Variants in CTNNA2 observed in about 807,000 individuals in gnomAD.
The protein encoded by CTNNA2 is catenin alpha-2.
Under a neutral mutation model 101.0 loss-of-function variants are expected in CTNNA2, and 42 were observed. The observed-to-expected ratio is 0.42, with a 90% CI of 0.32 to 0.54. The LOEUF (loss-of-function observed/expected upper bound fraction) is 0.54, where lower values mean the gene tolerates loss of function less well. Ranked by LOEUF, CTNNA2 falls within the 20% of genes least tolerant of loss-of-function variation. CTNNA2 has a pLI of 0.14. For synonymous variants in CTNNA2, 450 were observed against 456.4 expected (o/e 0.99, Z 0.18); for missense variants, 871 against 1,223.1 (o/e 0.71, Z 4.29).
At chr2:80,593,713 A>G (rs1317389326) in intron 15 of CTNNA2, among the ~76,000 whole-genome samples, 1 of 152,182 alleles carries the variant, frequency 6.6e-6, no homozygotes, top group Non-Finnish European at 1.5e-5. Context: ...ACATCAGTTG[A>G]GTCACACAAT....
At chr2:80,548,947 A>G (rs982344610) in intron 11 of CTNNA2, among the ~76,000 whole-genome samples, 1 of 152,236 alleles carries the variant, frequency 6.6e-6, no homozygotes, top group African/African-American at 2.4e-5. Context: ...CTCTATTTAA[A>G]AAACAATAAA....
At chr2:80,164,714 G>A (rs997442072) in intron 7 of CTNNA2, among the ~76,000 whole-genome samples, 15 of 147,210 alleles carry the variant, frequency 1.0e-4, no homozygotes, top group Admixed American at 4.1e-4. Context: ...TTAGAGAGCC[G>A]TCTTTAGCCC....
At chr2:79,366,423 G>A (rs1203695932) in intron 3 of CTNNA2, among the ~76,000 whole-genome samples, 2 of 152,248 alleles carry the variant, frequency 1.3e-5, no homozygotes, top group African/African-American at 4.8e-5. Flanking sequence ...TTTGGTGTGG[G>A]TTGTTTTTTC....
chr2:79,899,174 T>C (rs1205147970), intron 6 of CTNNA2, among the ~76,000 whole-genome samples: 1 of 151,472 alleles, frequency 6.6e-6, no homozygotes, highest in East Asian at 1.9e-4. Flanking sequence ...ATAACATGAC[T>C]GTTTTTTTTC....
chr2:80,353,739 A>C (rs1420662751), intron 7 of CTNNA2, among the ~76,000 whole-genome samples: 1 of 152,172 alleles, frequency 6.6e-6, no homozygotes, highest in Non-Finnish European at 1.5e-5. Flanking sequence ...GCCAAGATCG[A>C]ATGAGATAAC....
At position 79,274,723 on chromosome 2, in the gene CTNNA2, A is replaced by G. The variant is rs112188053; in HGVS notation, c.-405-37986A>G. ...TGGATCCTTTTAAAACATCACTTTT[A>G]ATGACTCCATGGTTTTCTATTATAT... On this transcript the variant is annotated intron_variant, in intron 2 of 21. Transcript: ENST00000466387. Among the ~76,000 whole-genome samples the G allele has an allele frequency of 5.7e-3, 872 of 152,172 alleles. 5 individuals carry two copies. Among genetic ancestry groups the G allele is most frequent in the African/African-American group, 0.02 (827 of 41,558 alleles).
chr2:80,097,651 T>C (rs370250502), intron 7 of CTNNA2, among the ~76,000 whole-genome samples: 1 of 152,204 alleles, frequency 6.6e-6, no homozygotes, highest in Non-Finnish European at 1.5e-5. Context: ...ACCAATCAGA[T>C]GTAGATTTGG....
chr2:79,209,533 T>TC (rs1442570261), intron 2 of CTNNA2, among the ~76,000 whole-genome samples: 1 of 152,250 alleles, frequency 6.6e-6, no homozygotes, highest in East Asian at 1.9e-4. Flanking sequence ...TTTATTCTTG[T>TC]ATCAGTGAGA....
intron 3 of CTNNA2, among the ~76,000 whole-genome samples, chr2:79,809,572 C>T (rs908997212): frequency 2.0e-5 from 3 of 152,128 alleles, no homozygotes; most frequent in Non-Finnish European, 4.4e-5. Context: ...TGTTTCTTAG[C>T]TGCATAAATG....
intron 18 of CTNNA2, among the ~76,000 whole-genome samples, chr2:80,629,036 T>C (rs1671995245): frequency 1.3e-5 from 2 of 152,272 alleles, no homozygotes; most frequent in South Asian, 2.1e-4. Flanking sequence ...CATTGAGTTA[T>C]TGTTAGGATT....
chr2:79,556,023 A>G (rs1332813851), intron 1 of CTNNA2, among the ~76,000 whole-genome samples: 2 of 152,078 alleles, frequency 1.3e-5, no homozygotes, highest in Non-Finnish European at 2.9e-5. Flanking sequence ...TCGAGTTTCA[A>G]AGAGAATTAG....
chr2:80,501,997 C>A (rs564011311), intron 9 of CTNNA2, among the ~76,000 whole-genome samples: 1 of 152,138 alleles, frequency 6.6e-6, no homozygotes, highest in Non-Finnish European at 1.5e-5. Flanking sequence ...ATAACACACT[C>A]TATTCTGGGG....
intron 7 of CTNNA2, among the ~76,000 whole-genome samples, chr2:80,241,587 ATATC>A (rs3067148): frequency 0.073 from 10,894 of 148,358 alleles, 704 homozygotes; most frequent in African/African-American, 0.17. Context: ...TGCATCTATT[ATATC>A]TATCTATCTA....
intron 7 of CTNNA2, among the ~76,000 whole-genome samples, chr2:80,142,995 A>G (rs1005655818): frequency 6.6e-6 from 1 of 152,164 alleles, no homozygotes; most frequent in Non-Finnish European, 1.5e-5. Flanking sequence ...CTAAGGACCC[A>G]TGACTGTATT....
chr2:80,283,912 G>A (rs531444467), intron 7 of CTNNA2, among the ~76,000 whole-genome samples: 2 of 152,220 alleles, frequency 1.3e-5, no homozygotes, highest in South Asian at 4.1e-4. Context: ...GGAAAGAAAA[G>A]GGGGCTGACC....
In CTNNA2 at chr2:79,313,414, G is replaced by C. The variant is rs115086688; in HGVS notation, c.-318+618G>C. 7.3e-4 allele frequency among the ~76,000 whole-genome samples: 111 copies of C among 152,276 alleles called. 1 individual carries two copies. Among genetic ancestry groups the C allele is most frequent in the African/African-American group, 2.6e-3 (106 of 41,560 alleles). ...TGTATGTCAAGAACTATGCTATGTA[G>C]TTTGCATGTATTATCTCACCATAAT... On this transcript the variant is annotated intron_variant, in intron 3 of 21. Transcript: ENST00000466387.
intron 17 of CTNNA2, among the ~76,000 whole-genome samples, chr2:80,609,149 G>A (rs1333144026): frequency 6.6e-6 from 1 of 151,688 alleles, no homozygotes; most frequent in African/African-American, 2.4e-5. Flanking sequence ...CAGACATGAT[G>A]ATGCTACCAT....
At chr2:79,817,784 A>G (rs1312544914) in intron 3 of CTNNA2, among the ~76,000 whole-genome samples, 1 of 152,212 alleles carries the variant, frequency 6.6e-6, no homozygotes, top group African/African-American at 2.4e-5. Context: ...TGACTAAAGG[A>G]CAGAATATTA....
intron 3 of CTNNA2, among the ~76,000 whole-genome samples, chr2:79,338,895 G>A (rs1677067508): frequency 6.6e-6 from 1 of 152,220 alleles, no homozygotes; most frequent in East Asian, 1.9e-4. Context: ...ATGAATGGCT[G>A]GAGCTAACAT....
Sources: allele counts gnomAD v4.1 joint callset (sites outside exome capture counted in the v4.1 genomes callset), GRCh38; gene constraint gnomAD v4.1.1; transcripts MANE v1.5; gene names NCBI Gene and HGNC (gene_info 2026-07-23, HGNC 2026-07-21).